ABHD13: variants seen among roughly 807,000 people sequenced by gnomAD.
The protein encoded by ABHD13 is abhydrolase domain containing 13, also known as protein ABHD13.
ABHD13 carries 7 observed loss-of-function variants against 25.2 expected under a neutral mutation model. The ratio of observed to expected loss-of-function variants is 0.28; its 90% CI spans 0.16 to 0.52. The LOEUF (loss-of-function observed/expected upper bound fraction) is 0.52. ABHD13 is among the 20% of genes least tolerant of loss of function. The pLI, the probability that ABHD13 is intolerant of heterozygous loss-of-function variation, is 0.96. For synonymous variants in ABHD13, 133 were observed against 136.1 expected (o/e 0.98, Z 0.16); for missense variants, 302 against 402.7 (o/e 0.75, Z 2.14).
chr13:108,231,537 T>C lies in ABHD13; in HGVS notation c.*1305T>C, dbSNP rs1879804223. 1 of 166,768 alleles carries C rather than the reference T, an allele frequency of 6.0e-6. No homozygotes were observed. The highest frequency in any genetic ancestry group is 1.5e-5 in the Non-Finnish European group (1 of 67,928). The allele number at this position is 166,768 out of a possible 1,614,324, so 10.3% of individuals were successfully genotyped here. On this transcript the variant is annotated 3_prime_UTR_variant, in exon 2 of 2. Coordinates refer to ENST00000375898, the MANE Select transcript of ABHD13 (RefSeq NM_032859.3). ...AAAATCTTACTTAGAAAAAAGCCCC[T>C]TGAAACTTGCAGGATTTACTTAATA...
chr13:108,226,532 G>C (rs1566380534), intron 1 of ABHD13, among the ~76,000 whole-genome samples: 1 of 152,086 alleles, frequency 6.6e-6, no homozygotes, highest in Admixed American at 6.6e-5. Flanking sequence ...AGTGCAGGAA[G>C]GTTAAGGAGA....
chr13:108,222,130 A>G (rs144243657), intron 1 of ABHD13, among the ~76,000 whole-genome samples: 44 of 152,280 alleles, frequency 2.9e-4, no homozygotes, highest in African/African-American at 1.0e-3. Flanking sequence ...ATGAGCCACC[A>G]TGCCTGGCCC....
Position 108,222,899 on chromosome 13 carries a change from T to A in ABHD13, c.-21+4240T>A, listed in dbSNP as rs567582657. On this transcript the variant is annotated intron_variant, in intron 1 of 1. Coordinates refer to ENST00000375898, the MANE Select transcript of ABHD13 (RefSeq NM_032859.3). ...ATTATTAGGCTCTTAAAGTGAAACA[T>A]GAAGAAAGTCAGGCTCACACAAATT... is the stretch of plus-strand genomic sequence containing the variant. Among the ~76,000 whole-genome samples, 4 of 152,340 alleles carry A rather than the reference T, an allele frequency of 2.6e-5. No homozygotes were observed. The South Asian group carries it at 8.3e-4, about 32-fold the overall frequency.
chr13:108,225,832 A>G (rs978135094), intron 1 of ABHD13, among the ~76,000 whole-genome samples: 18 of 152,208 alleles, frequency 1.2e-4, no homozygotes, highest in African/African-American at 3.6e-4. Flanking sequence ...CTACATTTCT[A>G]TATTCTACAT....
rs1381675249 is a variant in ABHD13 at position 108,231,101 on chromosome 13, A to C, written c.*869A>C. ...TGAACCACTAATAGCAGTCATAGTGAAGATTAGCACTACTTAGAATTAAAT... is the reference window on the plus strand; with the variant it reads ...TGAACCACTAATAGCAGTCATAGTGCAGATTAGCACTACTTAGAATTAAAT... On this transcript the variant is annotated 3_prime_UTR_variant, in exon 2 of 2. Transcript: ENST00000375898. 1 of 166,706 alleles carries C rather than the reference A, an allele frequency of 6.0e-6. No homozygotes were observed. Among genetic ancestry groups the C allele is most frequent in the East Asian group, 1.9e-4 (1 of 5,200 alleles). The allele number at this position is 166,706 out of a possible 1,614,324, so 10.3% of individuals were successfully genotyped here.
At position 108,229,452 on chromosome 13, in the gene ABHD13, T is replaced by A. The variant is rs759810157; in HGVS notation, c.234T>A (p.Val78=). ...PEQPSSSRLY[V]PMPTGIPHEN... ...AGCCATCCTCTTCACGTCTTTATGTTCCCATGCCCACTGGCATTCCACATG... is the reference window on the plus strand; with the variant it reads ...AGCCATCCTCTTCACGTCTTTATGTACCCATGCCCACTGGCATTCCACATG... The change falls in exon 2 of 2, where the codon GTT becomes GTA. Residue 78 remains valine, a synonymous_variant. Transcript: ENST00000375898. The surrounding 1 kb of genome is among the most constrained non-coding windows in gnomAD (Gnocchi z 4.7). The A allele has an allele frequency of 1.9e-6, 3 of 1,613,356 alleles. No homozygotes were observed. The African/African-American group carries it at 4.0e-5, about 22-fold the overall frequency.
At chr13:108,224,302 A>T (rs1360606731) in intron 1 of ABHD13, among the ~76,000 whole-genome samples, 1 of 152,168 alleles carries the variant, frequency 6.6e-6, no homozygotes, top group East Asian at 1.9e-4. Context: ...GAGAGCAAGG[A>T]CTGTATAGTA....
Position 108,231,688 on chromosome 13 carries a change from T to C in ABHD13, c.*1456T>C, listed in dbSNP as rs1412538444. 6.0e-6 allele frequency: 1 copy of C among 166,722 alleles called. No individual in the cohort carries two copies. The highest frequency in any genetic ancestry group is 1.5e-5 in the Non-Finnish European group (1 of 67,936). 10.3% of individuals were successfully genotyped at this position (166,722 alleles called of 1,614,324 possible). On this transcript the variant is annotated 3_prime_UTR_variant, in exon 2 of 2. Transcript: ENST00000375898. ...TATAATATTTTGAATATTTTAGCTA[T>C]ATTTAGTGGCTTTCTGCAAGCAACT...
intron 1 of ABHD13, among the ~76,000 whole-genome samples, chr13:108,226,337 T>C (rs1408355624): frequency 6.6e-6 from 1 of 152,110 alleles, no homozygotes; most frequent in Non-Finnish European, 1.5e-5. Context: ...ACTAAGCAAA[T>C]GACAAGCCAA....
At chr13:108,220,646 G>T (rs1029209723) in intron 1 of ABHD13, among the ~76,000 whole-genome samples, 1 of 152,162 alleles carries the variant, frequency 6.6e-6, no homozygotes, top group Non-Finnish European at 1.5e-5. Flanking sequence ...TTCACATGGT[G>T]TGAACTCCTA....
intron 1 of ABHD13, among the ~76,000 whole-genome samples, chr13:108,228,872 A>T (rs80221764): frequency 4.2e-5 from 6 of 143,640 alleles, no homozygotes; most frequent in African/African-American, 1.5e-4. Context: ...TTTTCTCATT[A>T]AAAAAAAAAA....
At position 108,230,738 on chromosome 13, in the gene ABHD13, G is replaced by A. The variant is rs1879785254; in HGVS notation, c.*506G>A. 1 of 167,140 alleles carries A rather than the reference G, an allele frequency of 6.0e-6. No individual in the cohort carries two copies. The highest frequency in any genetic ancestry group is 2.1e-4 in the South Asian group (1 of 4,850). 10.4% of individuals were successfully genotyped at this position (167,140 alleles called of 1,614,324 possible). On this transcript the variant is annotated 3_prime_UTR_variant, in exon 2 of 2. Coordinates refer to ENST00000375898, the MANE Select transcript of ABHD13 (RefSeq NM_032859.3). ...AACATTTTACATGTAAATAGCACTG[G>A]TCATATACTGATGTATATGGTTATC...
chr13:108,219,136 T>G (rs1222735714), intron 1 of ABHD13, among the ~76,000 whole-genome samples: 1 of 151,756 alleles, frequency 6.6e-6, no homozygotes, highest in South Asian at 2.1e-4. Context: ...AGCTACTAGG[T>G]TGGAGAGAGG....
chr13:108,221,981 G>A (rs1409898285), intron 1 of ABHD13, among the ~76,000 whole-genome samples: 4 of 152,010 alleles, frequency 2.6e-5, no homozygotes, highest in Non-Finnish European at 5.9e-5. Context: ...GGGATTACAG[G>A]CACGCGCCAC....
intron 1 of ABHD13, among the ~76,000 whole-genome samples, chr13:108,220,464 T>C (rs540787949): frequency 6.6e-6 from 1 of 152,368 alleles, no homozygotes; most frequent in South Asian, 2.1e-4. Flanking sequence ...TTTAATGTAT[T>C]ACCCAGATTC....
chr13:108,220,423 TATCTC>T (rs1374517488), intron 1 of ABHD13, among the ~76,000 whole-genome samples: 2 of 152,210 alleles, frequency 1.3e-5, no homozygotes, highest in Non-Finnish European at 2.9e-5. Flanking sequence ...TCTCATAACT[TATCTC>T]AGGGGAATCT....
In ABHD13 at chr13:108,234,155, ATTTG is replaced by A. The variant is rs1879873997; in HGVS notation, c.*3927_*3930del. On this transcript the variant is annotated 3_prime_UTR_variant, in exon 2 of 2. Transcript: ENST00000375898. ...CTAACCATGGCAAGCAAACATTTAC[ATTTG>A]TTTTTTACAATAAATTTCTTTTAAA... 1 of 166,922 alleles carries A rather than the reference ATTTG, an allele frequency of 6.0e-6. No homozygotes were observed. Among genetic ancestry groups the A allele is most frequent in the African/African-American group, 2.4e-5 (1 of 41,444 alleles). The allele number at this position is 166,922 out of a possible 1,614,324, so 10.3% of individuals were successfully genotyped here.
In ABHD13 at chr13:108,230,038, G is replaced by C. The variant is rs199723445; in HGVS notation, c.820G>C (p.Val274Leu). The C allele has an allele frequency of 6.2e-6, 10 of 1,613,138 alleles. No homozygotes were observed. Among genetic ancestry groups the C allele is most frequent in the Non-Finnish European group, 8.5e-6 (10 of 1,179,392 alleles). Residue 274 changes from valine to leucine, a missense_variant, in exon 2 of 2, where the codon GTA becomes CTA. Coordinates refer to ENST00000375898, the MANE Select transcript of ABHD13 (RefSeq NM_032859.3). ...ACTCTCAGATCAATTAATTCCACCA[G>C]TAATGATGAAACAACTTTATGAACT... Reference protein sequence around the residue: ...SGLSDQLIPPVMMKQLYELSP... With the variant: ...SGLSDQLIPPLMMKQLYELSP...
Position 108,233,629 on chromosome 13 carries a change from G to A in ABHD13, c.*3397G>A. 1 of 166,674 alleles carries A rather than the reference G, an allele frequency of 6.0e-6. No individual in the cohort carries two copies. The highest frequency in any genetic ancestry group is 1.5e-5 in the Non-Finnish European group (1 of 67,932). 10.3% of individuals were successfully genotyped at this position (166,674 alleles called of 1,614,324 possible). On this transcript the variant is annotated 3_prime_UTR_variant, in exon 2 of 2. Coordinates refer to ENST00000375898, the MANE Select transcript of ABHD13 (RefSeq NM_032859.3). Reference sequence around the variant, plus strand: ...ATATTACTCAGGTAAAGATGGAAATGACAGAGCACAGACATTTATTTTTTA... The same window carrying A: ...ATATTACTCAGGTAAAGATGGAAATAACAGAGCACAGACATTTATTTTTTA...
Sources: gnomAD v4.1 joint callset for allele counts (sites outside exome capture counted in the v4.1 genomes callset) on GRCh38, gnomAD v4.1.1 for gene constraint, Gnocchi (gnomAD v3.1) non-coding constraint, MANE v1.5 for transcripts, NCBI Gene and HGNC (gene_info 2026-07-23, HGNC 2026-07-21) for gene names.